Variants in CCNDBP1 observed in about 807,000 individuals in gnomAD.
The protein encoded by CCNDBP1 is cyclin D1 binding protein 1, also known as cyclin-D1-binding protein 1.
In CCNDBP1, 45 loss-of-function variants were observed where a neutral mutation model predicts 46.2. That is an observed-to-expected ratio of 0.97 (90% CI 0.77 to 1.25). The LOEUF (loss-of-function observed/expected upper bound fraction) is 1.25, where lower values mean the gene tolerates loss of function less well. CCNDBP1 is among the 50% of genes most tolerant of loss of function. The probability of loss-of-function intolerance (pLI) is 0.00; values close to 1 mark genes in which losing one functional copy is unlikely to be tolerated. For missense variants in CCNDBP1, 436 were observed against 442.1 expected (o/e 0.99, Z 0.12); for synonymous variants, 154 against 163.6 (o/e 0.94, Z 0.45).
intron 8 of CCNDBP1, 110 bp downstream of exon 8, chr15:43,191,785 T>A: frequency 7.7e-7 from 1 of 1,291,936 alleles, no homozygotes; most frequent in Non-Finnish European, 1.0e-6. Flanking sequence ...TTTTCAAACC[T>A]ATAGGAAAGT....
Position 43,189,244 on chromosome 15 carries a change from T to C in CCNDBP1, c.295T>C (p.Phe99Leu). 1 of 1,611,948 alleles carries C rather than the reference T, an allele frequency of 6.2e-7. No individual in the cohort carries two copies. Among genetic ancestry groups the C allele is most frequent in the Non-Finnish European group, 8.5e-7 (1 of 1,178,884 alleles). The change falls in exon 4 of 11, where the codon TTT (phenylalanine) becomes CTT (leucine). Residue 99 changes from phenylalanine (F) to leucine (L), a missense_variant. Coordinates refer to ENST00000300213, the MANE Select transcript of CCNDBP1 (RefSeq NM_012142.5). ...ACAAGTCCATGCTGCCATCAAGGCA[T>C]TTATTGCAGTGTACTATTTGCTTCC... ...CEQVHAAIKAFIAVYYLLPKD... is the reference protein window; with the variant it reads ...CEQVHAAIKALIAVYYLLPKD...
In CCNDBP1 at chr15:43,195,790, T is replaced by G. The variant is rs1452209304; in HGVS notation, c.*949T>G. The G allele has an allele frequency of 1.3e-5, 2 of 152,218 alleles. No individual in the cohort carries two copies. The highest frequency in any genetic ancestry group is 2.9e-5 in the Non-Finnish European group (2 of 68,044). The allele number at this position is 152,218 out of a possible 1,614,324, so 9.4% of individuals were successfully genotyped here. On this transcript the variant is annotated 3_prime_UTR_variant, in exon 11 of 11. Coordinates refer to ENST00000300213, the MANE Select transcript of CCNDBP1 (RefSeq NM_012142.5). ...ATGCCCATCATCTTCCTTTTGTAGG[T>G]GTAATTCATAACATATGCCTTTCTG... is the stretch of plus-strand genomic sequence containing the variant.
rs2042038959 is a variant in CCNDBP1, at chr15:43,196,407, C to CCT, written c.*1570_*1571dup. 1.3e-5 allele frequency: 2 copies of CCT among 151,422 alleles called. No individual in the cohort carries two copies. Among genetic ancestry groups the CCT allele is most frequent in the Non-Finnish European group, 2.9e-5 (2 of 67,986 alleles). The allele number at this position is 151,422 out of a possible 1,614,324, so 9.4% of individuals were successfully genotyped here. On this transcript the variant is annotated 3_prime_UTR_variant, in exon 11 of 11. Coordinates refer to ENST00000300213, the MANE Select transcript of CCNDBP1 (RefSeq NM_012142.5). The stretch of plus-strand genomic sequence containing the variant: ...TTCTCAAGCAATTCTCTGGCTTCAG[C>CCT]CTCTCAAGTAGCTGGGACTACAGAT...
At chr15:43,194,507 A>C in intron 10 of CCNDBP1, 46 bp downstream of exon 10, 1 of 1,478,014 alleles carries the variant, frequency 6.8e-7, no homozygotes. Context: ...GTAAAACGGA[A>C]CTGCTGTCCA....
At chr15:43,194,667 A>T in intron 10 of CCNDBP1, 60 bp from the exon 11 acceptor site, 2 of 1,330,840 alleles carry the variant, frequency 1.5e-6, no homozygotes, top group Non-Finnish European at 2.2e-6. Flanking sequence ...CCTCCTGAGG[A>T]TAGGTTTTCC....
At position 43,194,462 on chromosome 15, in the gene CCNDBP1, G is replaced by C. The variant is rs1199791905; in HGVS notation, c.968+1G>C. ...TAAAGAAGGCACTTGAAATTACAAA[G>C]TAAGTATGAAGACTTCTCAGATAGC... On this transcript the variant is annotated splice_donor_variant, in intron 10 of 10. Coordinates refer to ENST00000300213, the MANE Select transcript of CCNDBP1 (RefSeq NM_012142.5). LOFTEE classifies it high-confidence loss of function. The C allele has an allele frequency of 2.5e-6, 4 of 1,603,072 alleles. No individual in the cohort carries two copies. The highest frequency in any genetic ancestry group is 4.5e-5 in the East Asian group (2 of 44,622).
At chr15:43,188,559 G>C (rs2041889683) in intron 3 of CCNDBP1, 1 of 152,300 alleles carries the variant, frequency 6.6e-6, no homozygotes, top group South Asian at 2.1e-4. Flanking sequence ...AGTGGGGCCT[G>C]ACTTGGCCTG....
intron 6 of CCNDBP1, among the ~76,000 whole-genome samples, chr15:43,190,614 T>C (rs2041932797): frequency 1.3e-5 from 2 of 152,238 alleles, no homozygotes; most frequent in Admixed American, 1.3e-4. Flanking sequence ...TGGCTGTCTC[T>C]TGTTGAACAA....
At chr15:43,189,799 C>A (rs1441040128) in intron 4 of CCNDBP1, 8 of 485,266 alleles carry the variant, frequency 1.6e-5, no homozygotes, top group African/African-American at 1.9e-5. Context: ...TAAGAGATCA[C>A]GGTCCTTAAT....
rs995039022 is a variant in CCNDBP1 at position 43,194,445 on chromosome 15, G to A, written c.952G>A (p.Ala318Thr). The A allele has an allele frequency of 1.9e-6, 3 of 1,605,428 alleles. No individual in the cohort carries two copies. The African/African-American group carries it at 4.0e-5, about 22-fold the overall frequency. ...GAAACTTGTATCTGTTTTAAAGAAG[G>A]CACTTGAAATTACAAAGTAAGTATG... ...SAKLVSVLKK[A>T]LEITKASHVT... The change falls in exon 10 of 11, where the codon GCA becomes ACA. Residue 318 changes from alanine to threonine, a missense_variant. Physicochemically the swap from Ala to Thr is moderately conservative, Grantham distance 58 (BLOSUM62 0). Coordinates refer to ENST00000300213, the MANE Select transcript of CCNDBP1 (RefSeq NM_012142.5).
At position 43,195,870 on chromosome 15, in the gene CCNDBP1, C is replaced by T. The variant is rs1256964857; in HGVS notation, c.*1029C>T. On this transcript the variant is annotated 3_prime_UTR_variant, in exon 11 of 11. Coordinates refer to ENST00000300213, the MANE Select transcript of CCNDBP1 (RefSeq NM_012142.5). ...TCATTCTTTGAGTGACTAATGTATA[C>T]TTGGGGTTGGGGTTGAAATTCCTTA... 1.3e-5 allele frequency: 2 copies of T among 152,112 alleles called. No homozygotes were observed. Among genetic ancestry groups the T allele is most frequent in the African/African-American group, 2.4e-5 (1 of 41,422 alleles). The allele number at this position is 152,112 out of a possible 1,614,324, so 9.4% of individuals were successfully genotyped here.
intron 9 of CCNDBP1, chr15:43,194,046 CTT>C (rs748207621): frequency 0.017 from 860 of 49,924 alleles, no homozygotes; most frequent in Non-Finnish European, 0.024. Flanking sequence ...TCTTAATGCG[CTT>C]TTTTTTTTTT....
intron 7 of CCNDBP1, 35 bp from the exon 8 acceptor site, chr15:43,191,360 T>TGCA: frequency 7.4e-7 from 1 of 1,349,524 alleles, no homozygotes; most frequent in Non-Finnish European, 9.7e-7. Flanking sequence ...TTTTTTTTTT[T>TGCA]TTTTTGCATT....
Position 43,196,713 on chromosome 15 carries a change from A to C in CCNDBP1, c.*1872A>C, listed in dbSNP as rs1340431512. ...TATCTGTAAGTTAATGAATGTATTAATGAGCAGTAAAATGGTTGCAAAAAA... is the reference window on the plus strand; with the variant it reads ...TATCTGTAAGTTAATGAATGTATTACTGAGCAGTAAAATGGTTGCAAAAAA... On this transcript the variant is annotated 3_prime_UTR_variant, in exon 11 of 11. Transcript: ENST00000300213. 1 of 160,718 alleles carries C rather than the reference A, an allele frequency of 6.2e-6. No homozygotes were observed. Among genetic ancestry groups the C allele is most frequent in the African/African-American group, 2.4e-5 (1 of 41,528 alleles). 10.0% of individuals were successfully genotyped at this position (160,718 alleles called of 1,614,324 possible).
chr15:43,188,617 G>A (rs1056487304), intron 3 of CCNDBP1: 4 of 152,190 alleles, frequency 2.6e-5, no homozygotes, highest in Non-Finnish European at 5.9e-5. Context: ...TGAATATCTT[G>A]GGATACAGAG....
chr15:43,194,758 A>C lies in CCNDBP1; in HGVS notation c.1000A>C (p.Ser334Arg). ...ASHVTPQPED[S>R]WIPLLINAID... Reference sequence around the variant, plus strand: ...TCATGTGACCCCTCAGCCAGAAGATAGTTGGATCCCTTTACTTATTAATGC... The same window carrying C: ...TCATGTGACCCCTCAGCCAGAAGATCGTTGGATCCCTTTACTTATTAATGC... The change falls in exon 11 of 11, where the codon AGT becomes CGT. Residue 334 changes from serine (S) to arginine (R), a missense_variant. Transcript: ENST00000300213. 6.2e-7 allele frequency: 1 copy of C among 1,613,478 alleles called. No homozygotes were observed. The highest frequency in any genetic ancestry group is 2.2e-5 in the East Asian group (1 of 44,878).
At chr15:43,193,408 A>G (rs2142239902) in intron 9 of CCNDBP1, 1 of 149,070 alleles carries the variant, frequency 6.7e-6, no homozygotes, top group East Asian at 2.0e-4. Flanking sequence ...TAATTTAGGA[A>G]CTTCTCAACT....
rs756151109 is a variant in CCNDBP1 at position 43,189,101 on chromosome 15, A to AAAAAAG, written c.250-95_250-94insAAGAAA. On this transcript the variant is annotated intron_variant, in intron 3 of 10. Coordinates refer to ENST00000300213, the MANE Select transcript of CCNDBP1 (RefSeq NM_012142.5). ...TCAAAAAAAAAAAAAAAAAAAAAAA[A>AAAAAAG]AAAGAAAAAGAAAGAAAAGAAAAAG... is the stretch of plus-strand genomic sequence containing the variant. The AAAAAAG allele has an allele frequency of 1.3e-3, 215 of 165,806 alleles. 19 individuals are homozygous for AAAAAAG. Among genetic ancestry groups the AAAAAAG allele is most frequent in the South Asian group, 3.0e-3 (37 of 12,158 alleles). 10.3% of individuals were successfully genotyped at this position (165,806 alleles called of 1,614,324 possible). A position where few individuals can be genotyped will look rare whatever the true frequency, so the allele number is the denominator to read the frequency against.
chr15:43,190,358 T>C lies in CCNDBP1; in HGVS notation c.462T>C (p.Ser154=), dbSNP rs1028397049. The part of the protein sequence containing the change: ...PENNDLISYN[S]VWVACQQMPQ... ...ACAATGACCTTATTTCCTACAACAG[T>C]GTCTGGGTTGCGTGCCAGCAGATGC... The change falls in exon 6 of 11, where the codon AGT becomes AGC. Residue 154 remains serine (S), a synonymous_variant. Transcript: ENST00000300213. 1.2e-6 allele frequency: 2 copies of C among 1,614,092 alleles called. No individual in the cohort carries two copies. Among genetic ancestry groups the C allele is most frequent in the Non-Finnish European group, 1.7e-6 (2 of 1,180,050 alleles).
Sources: gnomAD v4.1 joint callset for allele counts (sites outside exome capture counted in the v4.1 genomes callset) on GRCh38, gnomAD v4.1.1 for gene constraint, MANE v1.5 for transcripts, NCBI Gene and HGNC (gene_info 2026-07-23, HGNC 2026-07-21) for gene names.